GPR107: variants seen among roughly 807,000 people sequenced by gnomAD.
GPR107 encodes G protein-coupled receptor 107.
In GPR107, 31 loss-of-function variants were observed where a neutral mutation model predicts 75.5. That is an observed-to-expected ratio of 0.41 (90% CI 0.31 to 0.55). The LOEUF (loss-of-function observed/expected upper bound fraction) is 0.55. Ranked by LOEUF, GPR107 falls within the 20% of genes least tolerant of loss-of-function variation. GPR107 has a pLI of 0.26. For missense variants in GPR107, 572 were observed against 665.7 expected (o/e 0.86, Z 1.55); for synonymous variants, 267 against 251.3 (o/e 1.06, Z -0.59).
chr9:130,092,339 T>C lies in GPR107; in HGVS notation c.821T>C (p.Phe274Ser). The C allele has an allele frequency of 6.2e-7, 1 of 1,612,274 alleles. No homozygotes were observed. The highest frequency in any genetic ancestry group is 8.5e-7 in the Non-Finnish European group (1 of 1,178,244). ...KLYISMAFFF[F>S]LSGTIWIHIL... ...TACATCTCAATGGCCTTTTTCTTCTTTCTTTCTGGGACCATCTGGATTCAT... is the reference window on the plus strand; with the variant it reads ...TACATCTCAATGGCCTTTTTCTTCTCTCTTTCTGGGACCATCTGGATTCAT... The change falls in exon 9 of 18, where the codon TTT becomes TCT. Residue 274 changes from phenylalanine (F) to serine (S), a missense_variant. By Grantham distance (155) the Phe-to-Ser change is radical. Coordinates refer to ENST00000347136, the MANE Select transcript of GPR107 (RefSeq NM_020960.5).
chr9:130,091,094 A>G lies in GPR107; in HGVS notation c.729+111A>G, dbSNP rs1008411356. 4.6e-6 allele frequency: 3 copies of G among 653,254 alleles called. No homozygotes were observed. The Admixed American group carries it at 8.4e-5, about 18-fold the overall frequency. 40.5% of individuals were successfully genotyped at this position (653,254 alleles called of 1,614,324 possible). A position where few individuals can be genotyped will look rare whatever the true frequency, so the allele number is the denominator to read the frequency against. On this transcript the variant is annotated intron_variant, in intron 8 of 17. Coordinates refer to ENST00000347136, the MANE Select transcript of GPR107 (RefSeq NM_020960.5). ...ATACTTAAGAAAAGAATGTGGGCAGACACACATTCCTGCCACTGTGCAGGA... is the reference window on the plus strand; with the variant it reads ...ATACTTAAGAAAAGAATGTGGGCAGGCACACATTCCTGCCACTGTGCAGGA...
At chr9:130,097,937 A>T (rs1249670030) in intron 9 of GPR107, among the ~76,000 whole-genome samples, 1 of 152,070 alleles carries the variant, frequency 6.6e-6, no homozygotes, top group East Asian at 1.9e-4. Flanking sequence ...TCTGGAGTGC[A>T]ATGGCACAGT....
At chr9:130,081,838 A>G (rs150335025) in intron 5 of GPR107, among the ~76,000 whole-genome samples, 5,037 of 152,200 alleles carry the variant, frequency 0.033, 137 homozygotes, top group Middle Eastern at 0.068. Context: ...CCTGGGTGAC[A>G]GAGTGAGAGC....
At chr9:130,120,878 T>C (rs1389464243) in intron 14 of GPR107, 2 of 3,582 alleles carry the variant, frequency 5.6e-4, no homozygotes, top group Non-Finnish European at 1.0e-3. Flanking sequence ...TGTTCTGCTC[T>C]TTCCCTTCTC....
intron 9 of GPR107, among the ~76,000 whole-genome samples, chr9:130,093,937 CTG>C (rs1830802636): frequency 2.0e-5 from 3 of 152,158 alleles, no homozygotes; most frequent in Admixed American, 2.0e-4. Context: ...GCTTCAGCCT[CTG>C]AAGTAGGTGG....
At position 130,103,472 on chromosome 9, in the gene GPR107, TC is replaced by T. The variant is rs1831086156; in HGVS notation, c.1132-945del. 6.6e-6 allele frequency among the ~76,000 whole-genome samples: 1 copy of T among 152,186 alleles called. No individual in the cohort carries two copies. Among genetic ancestry groups the T allele is most frequent in the African/African-American group, 2.4e-5 (1 of 41,438 alleles). ...AAGGATGTATTATAAGTGGTAAATTTCCCTTATGCTCTGTGGCATCTCAGTT... is the reference window on the plus strand; with the variant it reads ...AAGGATGTATTATAAGTGGTAAATTTCCTTATGCTCTGTGGCATCTCAGTT... On this transcript the variant is annotated intron_variant, in intron 12 of 17. Transcript: ENST00000347136. The surrounding 1 kb of genome is among the most constrained non-coding windows in gnomAD (Gnocchi z 4.3).
At position 130,092,389 on chromosome 9, in the gene GPR107, A is replaced by G. The variant is rs1214107030; in HGVS notation, c.863+8A>G. 1 of 1,609,126 alleles carries G rather than the reference A, an allele frequency of 6.2e-7. No homozygotes were observed. Among genetic ancestry groups the G allele is most frequent in the South Asian group, 1.1e-5 (1 of 90,982 alleles). On this transcript the variant is annotated splice_region_variant and intron_variant, in intron 9 of 17. Transcript: ENST00000347136. ...TATCCTTCGAAAACGACGGTAAACT[A>G]TTTCTCCCTTCAACTTAAGAGTGTG...
chr9:130,080,960 A>G (rs1830482259), intron 5 of GPR107, among the ~76,000 whole-genome samples: 1 of 151,246 alleles, frequency 6.6e-6, no homozygotes, highest in African/African-American at 2.4e-5. Flanking sequence ...CTATAATCCC[A>G]GCACTTTGGG....
intron 4 of GPR107, among the ~76,000 whole-genome samples, chr9:130,077,970 C>A (rs572156421): frequency 1.3e-5 from 2 of 152,102 alleles, no homozygotes; most frequent in African/African-American, 4.8e-5. Flanking sequence ...TTGAGACCAT[C>A]CTGGCTAAAA....
chr9:130,129,073 C>A (rs1045326234), intron 17 of GPR107: 5 of 204,736 alleles, frequency 2.4e-5, no homozygotes, highest in Admixed American at 1.7e-4. Context: ...CGAGGGAGAA[C>A]AGGGGGCCGA....
chr9:130,079,905 G>A lies in GPR107; in HGVS notation c.526+136G>A, dbSNP rs539220443. ...TATTTTGGAAGTTACACAAAAATAC[G>A]TAAATGTTAAAGAAAAATGTGGAAA... On this transcript the variant is annotated intron_variant, in intron 5 of 17. Transcript: ENST00000347136. 20 of 507,354 alleles carry A rather than the reference G, an allele frequency of 3.9e-5. No individual in the cohort carries two copies. In the East Asian group the frequency reaches 4.6e-4, roughly 12 times the overall value. The allele number at this position is 507,354 out of a possible 1,614,324, so 31.4% of individuals were successfully genotyped here.
Position 130,135,094 on chromosome 9 carries a change from C to G in GPR107, c.1632C>G (p.Pro544=). The change falls in exon 18 of 18, where the codon CCC becomes CCG. Residue 544 remains proline, a synonymous_variant. Coordinates refer to ENST00000347136, the MANE Select transcript of GPR107 (RefSeq NM_020960.5). ...VKKVTNGSVE[P]QGEWEGAV ...AGGTGACCAACGGCTCCGTGGAGCC[C>G]CAGGGCGAGTGGGAAGGCGCCGTGT... 6.2e-7 allele frequency: 1 copy of G among 1,608,378 alleles called. No individual in the cohort carries two copies. The highest frequency in any genetic ancestry group is 1.1e-5 in the South Asian group (1 of 90,886).
intron 5 of GPR107, among the ~76,000 whole-genome samples, chr9:130,080,261 T>C (rs76076154): frequency 0.033 from 5,080 of 152,246 alleles, 287 homozygotes; most frequent in African/African-American, 0.12. Flanking sequence ...AAGATGGTTT[T>C]CAGAATTGCA....
intron 1 of GPR107, among the ~76,000 whole-genome samples, chr9:130,062,274 G>A (rs1286957632): frequency 1.3e-5 from 2 of 150,800 alleles, no homozygotes. Flanking sequence ...ATTAGCCGGC[G>A]TGGTGGCGCA....
In GPR107 at chr9:130,130,645, GC is replaced by G. The variant is rs548147946; in HGVS notation, c.1562+1885del. Among the ~76,000 whole-genome samples, 39 of 152,268 alleles carry G rather than the reference GC, an allele frequency of 2.6e-4. No homozygotes were observed. In the South Asian group the frequency reaches 7.9e-3, roughly 31 times the overall value. Reference sequence around the variant, plus strand: ...CCAGCACTTTAGGAGGCCGAGGCAGGCAGATCACGAGGTCAGGAGTTCGAGA... The same window carrying G: ...CCAGCACTTTAGGAGGCCGAGGCAGGAGATCACGAGGTCAGGAGTTCGAGA... On this transcript the variant is annotated intron_variant, in intron 17 of 17. Transcript: ENST00000347136.
chr9:130,054,387 C>T (rs1329312862), intron 1 of GPR107, among the ~76,000 whole-genome samples: 1 of 152,216 alleles, frequency 6.6e-6, no homozygotes, highest in Non-Finnish European at 1.5e-5. Flanking sequence ...TCACTCAGGG[C>T]AGCCCGATCG....
At chr9:130,126,088 C>T (rs1831673763) in intron 15 of GPR107, among the ~76,000 whole-genome samples, 2 of 151,616 alleles carry the variant, frequency 1.3e-5, no homozygotes. Flanking sequence ...GTATCTACCT[C>T]TCTCTTCTTT....
At chr9:130,055,921 G>A (rs1015083921) in intron 1 of GPR107, among the ~76,000 whole-genome samples, 1 of 151,940 alleles carries the variant, frequency 6.6e-6, no homozygotes, top group Non-Finnish European at 1.5e-5. Flanking sequence ...CACTCCAGTC[G>A]GGGCGAAAGA....
In GPR107 at chr9:130,132,640, A is replaced by G. The variant is rs140832889; in HGVS notation, c.1563-2385A>G. On this transcript the variant is annotated intron_variant, in intron 17 of 17. Transcript: ENST00000347136. ...CATCTCTACCAAAAATACAAAAGTT[A>G]GCTGGGCATGGGGACATGTACCTAT... Among the ~76,000 whole-genome samples, 384 of 152,182 alleles carry G rather than the reference A, an allele frequency of 2.5e-3. 2 individuals are homozygous for G. The highest frequency in any genetic ancestry group is 8.8e-3 in the African/African-American group (365 of 41,546).
Sources: allele counts gnomAD v4.1 joint callset (sites outside exome capture counted in the v4.1 genomes callset), GRCh38; gene constraint gnomAD v4.1.1; non-coding constraint Gnocchi (gnomAD v3.1); transcripts MANE v1.5; gene names NCBI Gene and HGNC (gene_info 2026-07-23, HGNC 2026-07-21).